WDPCP: variants seen among roughly 807,000 people sequenced by gnomAD.
The protein encoded by WDPCP is WD repeat-containing and planar cell polarity effector protein fritz homolog.
Under a neutral mutation model 93.1 loss-of-function variants are expected in WDPCP, and 71 were observed. The observed-to-expected ratio is 0.76, with a 90% CI of 0.63 to 0.93. WDPCP has a LOEUF of 0.93. WDPCP is among the 40% of genes least tolerant of loss of function. The pLI is 0.00. For missense variants in WDPCP, 844 were observed against 887.4 expected, an observed-to-expected ratio of 0.95 and a Z score of 0.62; for synonymous variants, 315 against 315.0, an observed-to-expected ratio of 1.00 and a Z score of 0.00.
intron 3 of WDPCP, among the ~76,000 whole-genome samples, chr2:63,641,166 T>A (rs891453945): frequency 2.0e-5 from 3 of 152,194 alleles, no homozygotes; most frequent in African/African-American, 7.2e-5. Context: ...TTTTTATAGC[T>A]AAATAGTACT....
chr2:63,241,625 G>A (rs150282491), intron 14 of WDPCP, among the ~76,000 whole-genome samples: 2,182 of 152,194 alleles, frequency 0.014, 28 homozygotes, highest in Middle Eastern at 0.024. Flanking sequence ...TTTAGAGACA[G>A]TCTTGCTCTG....
intron 3 of WDPCP, among the ~76,000 whole-genome samples, chr2:63,610,798 A>G (rs530672430): frequency 2.6e-5 from 4 of 152,358 alleles, no homozygotes; most frequent in African/African-American, 7.2e-5. Flanking sequence ...TCTTAAAGCT[A>G]TATAGATACT....
At chr2:63,267,020 G>C (rs1031627673) in intron 13 of WDPCP, among the ~76,000 whole-genome samples, 4 of 151,756 alleles carry the variant, frequency 2.6e-5, no homozygotes, top group African/African-American at 9.7e-5. Context: ...ATACCCTAGA[G>C]AGCCAACAAT....
At chr2:63,810,367 T>C (rs1436736286) in intron 2 of WDPCP, among the ~76,000 whole-genome samples, 4 of 152,266 alleles carry the variant, frequency 2.6e-5, no homozygotes, top group Non-Finnish European at 5.9e-5. Flanking sequence ...GATACAGGCA[T>C]ATAAAAAGTT....
intron 17 of WDPCP, among the ~76,000 whole-genome samples, chr2:63,141,921 T>A (rs1198016711): frequency 6.6e-6 from 1 of 152,194 alleles, no homozygotes; most frequent in Non-Finnish European, 1.5e-5. Context: ...TTCATGTGCC[T>A]AAAGGTGTTC....
At chr2:63,295,869 T>A in intron 13 of WDPCP, among the ~76,000 whole-genome samples, 2 of 127,518 alleles carry the variant, frequency 1.6e-5, no homozygotes, top group Non-Finnish European at 1.6e-5. Context: ...CCAAACTTAG[T>A]GAAACTATTC....
intron 17 of WDPCP, among the ~76,000 whole-genome samples, chr2:63,148,266 G>A (rs1671659836): frequency 2.0e-5 from 3 of 152,090 alleles, no homozygotes; most frequent in African/African-American, 7.2e-5. Context: ...GGTTAAGGCT[G>A]CAGTGAGCTG....
At chr2:63,462,513 A>T (rs550691297) in intron 6 of WDPCP, among the ~76,000 whole-genome samples, 14 of 152,260 alleles carry the variant, frequency 9.2e-5, no homozygotes, top group East Asian at 1.9e-4. Flanking sequence ...AAATAAATAA[A>T]TAATTAATTA....
chr2:63,642,094 T>C (rs1709986778), intron 3 of WDPCP, among the ~76,000 whole-genome samples: 3 of 152,140 alleles, frequency 2.0e-5, no homozygotes, highest in African/African-American at 7.2e-5. Flanking sequence ...AATGAGTTCA[T>C]ATGGGGATTT....
chr2:63,338,006 A>G (rs532883811), intron 12 of WDPCP, among the ~76,000 whole-genome samples: 2 of 152,056 alleles, frequency 1.3e-5, no homozygotes, highest in Non-Finnish European at 2.9e-5. Flanking sequence ...TGCTTGAGGT[A>G]ATCTCATTTG....
intron 13 of WDPCP, among the ~76,000 whole-genome samples, chr2:63,290,173 A>G (rs1024061863): frequency 5.3e-5 from 8 of 151,658 alleles, no homozygotes; most frequent in Non-Finnish European, 1.2e-4. Flanking sequence ...CTTCTTTTGG[A>G]TTGAATATTT....
chr2:63,521,201 C>T (rs1435121030), intron 1 of WDPCP, among the ~76,000 whole-genome samples: 1 of 152,182 alleles, frequency 6.6e-6, no homozygotes, highest in African/African-American at 2.4e-5. Flanking sequence ...CAAATCCACA[C>T]ATATCTATAC....
chr2:63,439,294 T>C (rs1697343742), intron 7 of WDPCP, among the ~76,000 whole-genome samples: 1 of 152,124 alleles, frequency 6.6e-6, no homozygotes, highest in Non-Finnish European at 1.5e-5. Context: ...TGGTCTTTAC[T>C]ATTTAGAAAA....
At chr2:63,338,011 C>T (rs1023169539) in intron 12 of WDPCP, among the ~76,000 whole-genome samples, 1 of 152,066 alleles carries the variant, frequency 6.6e-6, no homozygotes, top group African/African-American at 2.4e-5. Context: ...GAGGTAATCT[C>T]ATTTGTCTAT....
At chr2:63,408,816 G>A (rs1308325247) in intron 9 of WDPCP, among the ~76,000 whole-genome samples, 1 of 152,038 alleles carries the variant, frequency 6.6e-6, no homozygotes, top group African/African-American at 2.4e-5. Context: ...CTCAGCAGAA[G>A]CAGCCATAAT....
At chr2:63,781,964 C>T (rs1025931416) in intron 2 of WDPCP, among the ~76,000 whole-genome samples, 4 of 150,970 alleles carry the variant, frequency 2.6e-5, no homozygotes, top group East Asian at 1.9e-4. Flanking sequence ...AGAGCAATGA[C>T]ATTCCCTCAG....
intron 2 of WDPCP, among the ~76,000 whole-genome samples, chr2:63,490,104 T>TAAA (rs60420871): frequency 2.4e-5 from 3 of 125,990 alleles, no homozygotes; most frequent in Non-Finnish European, 5.2e-5. Flanking sequence ...CATGAAAATG[T>TAAA]AAAAAAAAAA....
Position 63,120,769 on chromosome 2 carries a change from C to T in WDPCP, c.*1237G>A, listed in dbSNP as rs1051580071. 2.0e-5 allele frequency among the ~76,000 whole-genome samples: 3 copies of T among 151,504 alleles called. No individual in the cohort carries two copies. The highest frequency in any genetic ancestry group is 6.6e-5 in the Admixed American group (1 of 15,190). Reference sequence around the variant, plus strand: ...TAGGATGGTCTCCATCTCCTGACCTCGTGATTCGCCCGCCTTGGCCTCCCA... The same window carrying T: ...TAGGATGGTCTCCATCTCCTGACCTTGTGATTCGCCCGCCTTGGCCTCCCA... On this transcript the variant is annotated 3_prime_UTR_variant, in exon 18 of 18. Transcript: ENST00000272321.
intron 13 of WDPCP, among the ~76,000 whole-genome samples, chr2:63,265,474 A>T (rs1157289569): frequency 6.6e-6 from 1 of 152,162 alleles, no homozygotes; most frequent in African/African-American, 2.4e-5. Flanking sequence ...CTAAGTCAGG[A>T]AAGAAAGAAA....
Sources: allele counts gnomAD v4.1 joint callset (sites outside exome capture counted in the v4.1 genomes callset), GRCh38; gene constraint gnomAD v4.1.1; transcripts MANE v1.5; gene names NCBI Gene and HGNC (gene_info 2026-07-23, HGNC 2026-07-21).